Variants in PHF14 observed in about 807,000 individuals in gnomAD.
PHF14 encodes the protein PHD finger protein 14.
Under a neutral mutation model 117.9 loss-of-function variants are expected in PHF14, and 55 were observed. That is an observed-to-expected ratio of 0.47 (90% CI 0.38 to 0.58). The LOEUF (loss-of-function observed/expected upper bound fraction) is 0.58. Ranked by LOEUF, PHF14 falls within the 20% of genes least tolerant of loss-of-function variation. PHF14 has a pLI of 0.00. For missense variants in PHF14, 978 were observed against 1,122.2 expected, an observed-to-expected ratio of 0.87 and a Z score of 1.84; for synonymous variants, 409 against 368.6, an observed-to-expected ratio of 1.11 and a Z score of -1.26.
intron 17 of PHF14, among the ~76,000 whole-genome samples, chr7:11,113,692 G>A (rs1193858548): frequency 6.6e-6 from 1 of 152,008 alleles, no homozygotes; most frequent in African/African-American, 2.4e-5. Flanking sequence ...TTGAATATTT[G>A]TGCTGCATCA....
intron 17 of PHF14, among the ~76,000 whole-genome samples, chr7:11,139,756 A>G (rs1788347061): frequency 6.6e-6 from 1 of 152,208 alleles, no homozygotes; most frequent in African/African-American, 2.4e-5. Context: ...TAAGACAGAT[A>G]ACTTTTGGTA....
At chr7:10,990,647 G>C in intron 3 of PHF14, 56 bp from the exon 4 acceptor site, 1 of 1,003,728 alleles carries the variant, frequency 1.0e-6, no homozygotes, top group South Asian at 1.8e-5. Context: ...TAGTGATTAA[G>C]TTTTTTTTTT....
chr7:11,070,020 T>G (rs1785561000), intron 16 of PHF14, among the ~76,000 whole-genome samples: 1 of 152,190 alleles, frequency 6.6e-6, no homozygotes, highest in Non-Finnish European at 1.5e-5. Context: ...CATCTGAACC[T>G]AGAGTTTTCA....
At chr7:11,033,080 A>T (rs1784177018) in intron 7 of PHF14, among the ~76,000 whole-genome samples, 1 of 152,224 alleles carries the variant, frequency 6.6e-6, no homozygotes, top group African/African-American at 2.4e-5. Flanking sequence ...TTCATGGTAG[A>T]TATTCAGAAA....
intron 16 of PHF14, among the ~76,000 whole-genome samples, chr7:11,100,558 A>G (rs1209556269): frequency 2.0e-5 from 3 of 152,010 alleles, no homozygotes; most frequent in Non-Finnish European, 2.9e-5. Context: ...TTCCAGAAAA[A>G]TACTACCATA....
chr7:11,144,319 A>C (rs1438905614), intron 17 of PHF14, among the ~76,000 whole-genome samples: 2 of 151,984 alleles, frequency 1.3e-5, no homozygotes, highest in African/African-American at 4.8e-5. Context: ...TTCTCAAAAA[A>C]ACTAAAAGTA....
intron 17 of PHF14, among the ~76,000 whole-genome samples, chr7:11,115,707 A>G (rs2044388779): frequency 6.6e-6 from 1 of 152,062 alleles, no homozygotes; most frequent in African/African-American, 2.4e-5. Context: ...ATTTATGGCA[A>G]AAGGATTCGG....
At chr7:11,085,639 G>C (rs1786371801) in intron 16 of PHF14, among the ~76,000 whole-genome samples, 1 of 151,870 alleles carries the variant, frequency 6.6e-6, no homozygotes, top group Non-Finnish European at 1.5e-5. Flanking sequence ...TCTTTTCTTG[G>C]TTTTGTTTTT....
chr7:10,995,637 C>T (rs1782616308), intron 4 of PHF14, among the ~76,000 whole-genome samples: 1 of 152,208 alleles, frequency 6.6e-6, no homozygotes, highest in African/African-American at 2.4e-5. Context: ...CACGCAGGAG[C>T]CCATGGCGGG....
chr7:11,008,832 G>A (rs1466177841), intron 4 of PHF14, among the ~76,000 whole-genome samples: 3 of 152,008 alleles, frequency 2.0e-5, no homozygotes, highest in East Asian at 3.9e-4. Context: ...TCAGGAGATC[G>A]AGACCATCCT....
At chr7:10,990,888 CT>C (rs2128310341) in intron 4 of PHF14, 41 bp downstream of exon 4, 1 of 1,467,928 alleles carries the variant, frequency 6.8e-7, no homozygotes, top group East Asian at 2.4e-5. Flanking sequence ...AAATGGCTGA[CT>C]GTGGCTCTTT....
At chr7:11,029,043 A>T (rs1445816355) in intron 7 of PHF14, among the ~76,000 whole-genome samples, 2 of 152,192 alleles carry the variant, frequency 1.3e-5, no homozygotes, top group Non-Finnish European at 1.5e-5. Context: ...GATCTGACAG[A>T]TAAAATGAAA....
At position 10,980,452 on chromosome 7, in the gene PHF14, T is replaced by C. The variant is rs530145780; in HGVS notation, c.113-1920T>C. Among the ~76,000 whole-genome samples the C allele has an allele frequency of 4.6e-5, 7 of 152,272 alleles. No individual in the cohort carries two copies. The South Asian group carries it at 8.3e-4, about 18-fold the overall frequency. ...ATTTTAAAATGTCAAGAGATTACTA[T>C]TATTGTTATTTTTACCAGATGTGAT... On this transcript the variant is annotated intron_variant, in intron 2 of 17. Transcript: ENST00000634607.
At position 10,990,853 on chromosome 7, in the gene PHF14, G is replaced by A. The variant is rs1328941842; in HGVS notation, c.1045+6G>A. On this transcript the variant is annotated splice_donor_region_variant and intron_variant, in intron 4 of 17. Transcript: ENST00000634607. The stretch of plus-strand genomic sequence containing the variant: ...TGGCATTACAGTCCATGAAGGTAAT[G>A]TTGCTTTCTTTTCTCTCTTTTTAGA... 1 of 1,568,784 alleles carries A rather than the reference G, an allele frequency of 6.4e-7. No homozygotes were observed. The highest frequency in any genetic ancestry group is 1.4e-5 in the African/African-American group (1 of 74,044).
rs1782079472 is a variant in PHF14 at position 10,982,613 on chromosome 7, GAAGGAA to G, written c.357_362del (p.Lys129_Glu130del). ...GACCTAGAAAGAAAAAGGAGAAAGA[GAAGGAA>G]AAAGAAAAGGAAAAGGAGAAAGAGA... On this transcript the variant is annotated inframe_deletion, in exon 3 of 18. Coordinates refer to ENST00000634607, the MANE Select transcript of PHF14 (RefSeq NM_001007157.2). 1 of 1,521,648 alleles carries G rather than the reference GAAGGAA, an allele frequency of 6.6e-7. No homozygotes were observed. The allele number at this position is 1,521,648 out of a possible 1,614,324, so 94.3% of individuals were successfully genotyped here.
intron 16 of PHF14, among the ~76,000 whole-genome samples, chr7:11,076,833 G>A (rs1489743657): frequency 4.0e-5 from 6 of 150,174 alleles, no homozygotes; most frequent in African/African-American, 1.5e-4. Flanking sequence ...CTCCCAAAGT[G>A]CTGGGATTAC....
intron 16 of PHF14, among the ~76,000 whole-genome samples, chr7:11,079,531 CT>C (rs906011415): frequency 1.3e-5 from 2 of 152,038 alleles, no homozygotes; most frequent in African/African-American, 4.8e-5. Flanking sequence ...TTTCCTATTA[CT>C]TTTTTTGACA....
intron 5 of PHF14, among the ~76,000 whole-genome samples, chr7:11,015,829 T>C (rs1452748514): frequency 6.6e-6 from 1 of 151,864 alleles, no homozygotes; most frequent in Non-Finnish European, 1.5e-5. Context: ...AGATTTTTTT[T>C]TTTTTTTTTT....
At chr7:10,996,091 TATG>T (rs892292133) in intron 4 of PHF14, among the ~76,000 whole-genome samples, 2 of 152,116 alleles carry the variant, frequency 1.3e-5, no homozygotes, top group African/African-American at 4.8e-5. Context: ...CACCTATCAT[TATG>T]ATGGATGTGG....
Sources: allele counts gnomAD v4.1 joint callset (sites outside exome capture counted in the v4.1 genomes callset), GRCh38; gene constraint gnomAD v4.1.1; transcripts MANE v1.5; gene names NCBI Gene and HGNC (gene_info 2026-07-23, HGNC 2026-07-21).